The following PTPN9 variants were observed in gnomAD, a reference collection of about 807,000 sequenced individuals.
PTPN9 encodes protein tyrosine phosphatase non-receptor type 9.
In PTPN9, 26 loss-of-function variants were observed where a neutral mutation model predicts 69.8. The ratio of observed to expected loss-of-function variants is 0.37; its 90% CI spans 0.27 to 0.52. The LOEUF (loss-of-function observed/expected upper bound fraction) is 0.52, where lower values mean the gene tolerates loss of function less well. Ranked by LOEUF, PTPN9 falls within the 20% of genes least tolerant of loss-of-function variation. The pLI, the probability that PTPN9 is intolerant of heterozygous loss-of-function variation, is 0.91. For missense variants in PTPN9, 549 were observed against 740.3 expected (o/e 0.74, Z 3.00); for synonymous variants, 274 against 272.5 (o/e 1.01, Z -0.05).
intron 1 of PTPN9, among the ~76,000 whole-genome samples, chr15:75,546,652 A>G (rs368872617): frequency 1.3e-5 from 2 of 152,026 alleles, no homozygotes; most frequent in South Asian, 2.1e-4. Context: ...CAAAAAAAAA[A>G]AAGAAATAGA....
chr15:75,566,790 C>A (rs891154627), intron 1 of PTPN9, among the ~76,000 whole-genome samples: 35 of 152,074 alleles, frequency 2.3e-4, no homozygotes, highest in Non-Finnish European at 4.7e-4. Context: ...GAATTTCAGA[C>A]CAGCCTGGGC....
chr15:75,562,647 C>T (rs1023531171), intron 1 of PTPN9, among the ~76,000 whole-genome samples: 5 of 152,010 alleles, frequency 3.3e-5, no homozygotes, highest in South Asian at 4.2e-4. Context: ...CTGGCTAACA[C>T]GGTGAAACCC....
At chr15:75,567,762 C>T (rs192216698) in intron 1 of PTPN9, among the ~76,000 whole-genome samples, 17 of 152,102 alleles carry the variant, frequency 1.1e-4, no homozygotes, top group African/African-American at 4.1e-4. Context: ...TTTGGGAGGC[C>T]GAGGTGGGTG....
intron 1 of PTPN9, among the ~76,000 whole-genome samples, chr15:75,563,498 T>A (rs2075113613): frequency 6.6e-6 from 1 of 152,156 alleles, no homozygotes; most frequent in Non-Finnish European, 1.5e-5. Context: ...GGTATTTGGT[T>A]TTCTGTTCTT....
intron 7 of PTPN9, among the ~76,000 whole-genome samples, chr15:75,503,727 G>A (rs1415775794): frequency 7.9e-6 from 1 of 126,686 alleles, no homozygotes; most frequent in Non-Finnish European, 1.7e-5. Context: ...AGGTGGGGGA[G>A]TCAGCCCCCA....
intron 4 of PTPN9, among the ~76,000 whole-genome samples, chr15:75,520,780 GC>G (rs950144644): frequency 2.6e-5 from 4 of 152,002 alleles, no homozygotes; most frequent in African/African-American, 9.7e-5. Flanking sequence ...CTCCCAAAGT[GC>G]TGGGACTACA....
At chr15:75,470,549 T>A in intron 11 of PTPN9, 131 bp downstream of exon 11, 1 of 1,121,354 alleles carries the variant, frequency 8.9e-7, no homozygotes, top group Non-Finnish European at 1.3e-6. Context: ...AATATCCTCA[T>A]CCTGTCCCTA....
intron 4 of PTPN9, among the ~76,000 whole-genome samples, chr15:75,521,280 C>A (rs1450269800): frequency 9.6e-5 from 12 of 124,986 alleles, no homozygotes; most frequent in African/African-American, 3.4e-4. Context: ...CCCATCTCTA[C>A]TAAAAATACA....
chr15:75,480,605 G>T, intron 8 of PTPN9: 6 of 1,115,904 alleles, frequency 5.4e-6, no homozygotes, highest in Middle Eastern at 3.8e-4. Flanking sequence ...GCGGCCTGGG[G>T]CAGTGCGGAG....
chr15:75,569,683 C>CAA (rs747748643), intron 1 of PTPN9, among the ~76,000 whole-genome samples: 14 of 54,938 alleles, frequency 2.5e-4, no homozygotes, highest in African/African-American at 3.5e-4. Context: ...AACTCCATCT[C>CAA]AAAAAAAAAA....
rs570941350 is a variant in PTPN9, at chr15:75,510,537, G to A, written c.529-1510C>T. ...TAGGCATTGAGCCACTGCTCCTGGCGTGAAGTTCTTAATTTTCAAATGGTT... is the reference window on the plus strand; with the variant it reads ...TAGGCATTGAGCCACTGCTCCTGGCATGAAGTTCTTAATTTTCAAATGGTT... On this transcript the variant is annotated intron_variant, in intron 5 of 12. Coordinates refer to ENST00000618819, the MANE Select transcript of PTPN9 (RefSeq NM_002833.4). Among the ~76,000 whole-genome samples, 20 of 152,156 alleles carry A rather than the reference G, an allele frequency of 1.3e-4. No homozygotes were observed. The East Asian group carries it at 2.3e-3, about 18-fold the overall frequency.
At chr15:75,535,449 C>G (rs934188788) in intron 1 of PTPN9, among the ~76,000 whole-genome samples, 3 of 152,140 alleles carry the variant, frequency 2.0e-5, no homozygotes, top group African/African-American at 7.2e-5. Flanking sequence ...ATTAACAATG[C>G]CATCCTAGGC....
chr15:75,567,118 T>G (rs995691604), intron 1 of PTPN9, among the ~76,000 whole-genome samples: 8 of 151,438 alleles, frequency 5.3e-5, no homozygotes, highest in African/African-American at 1.9e-4. Flanking sequence ...CATGTTCAAG[T>G]GATTCTCCTG....
Position 75,578,832 on chromosome 15 carries a change from C to G in PTPN9, c.-56G>C. ...CTCGCTCGCGAGCGCGGGAGCCCGG[C>G]GCGCTCGGCCTCCGCTTCCGCGTCC... is the stretch of plus-strand genomic sequence containing the variant. On this transcript the variant is annotated 5_prime_UTR_variant, in exon 1 of 13. Transcript: ENST00000618819. The G allele has an allele frequency of 1.8e-6, 2 of 1,137,354 alleles. No homozygotes were observed. The highest frequency in any genetic ancestry group is 3.7e-5 in the East Asian group (1 of 27,310). The allele number at this position is 1,137,354 out of a possible 1,614,324, so 70.5% of individuals were successfully genotyped here. A position where few individuals can be genotyped will look rare whatever the true frequency, so the allele number is the denominator to read the frequency against.
chr15:75,504,482 A>G (rs9744367), intron 7 of PTPN9, among the ~76,000 whole-genome samples: 64,354 of 102,608 alleles, frequency 0.63, 19,441 homozygotes, highest in African/African-American at 0.8. Context: ...AGGGAGGTGG[A>G]GGGGTCAGCC....
intron 12 of PTPN9, among the ~76,000 whole-genome samples, chr15:75,469,347 T>G (rs2074552060): frequency 6.6e-6 from 1 of 152,200 alleles, no homozygotes; most frequent in Non-Finnish European, 1.5e-5. Context: ...TTCTCAACTT[T>G]CTCCCAAAGG....
At chr15:75,485,667 G>A (rs904278411) in intron 8 of PTPN9, among the ~76,000 whole-genome samples, 7 of 150,980 alleles carry the variant, frequency 4.6e-5, no homozygotes, top group Admixed American at 6.6e-5. Context: ...ACCGCGCCCG[G>A]CCGAATTGTC....
Position 75,552,808 on chromosome 15 carries a change from T to C in PTPN9, c.64-25547A>G, listed in dbSNP as rs1392931674. ...AAGAGAGTCACCGGCAAACTAGATA[T>C]GGTCCCATAAAAGATTTAGATAAGG... On this transcript the variant is annotated intron_variant, in intron 1 of 12. Coordinates refer to ENST00000618819, the MANE Select transcript of PTPN9 (RefSeq NM_002833.4). 2.0e-5 allele frequency among the ~76,000 whole-genome samples: 3 copies of C among 148,030 alleles called. No homozygotes were observed. The East Asian group carries it at 5.9e-4, about 29-fold the overall frequency.
chr15:75,481,146 G>A (rs1340578327), intron 8 of PTPN9, among the ~76,000 whole-genome samples: 1 of 70,036 alleles, frequency 1.4e-5, no homozygotes, highest in East Asian at 4.0e-4. Context: ...TGTGAGGAGC[G>A]CCTCTGCCCG....
Sources: allele counts gnomAD v4.1 joint callset (sites outside exome capture counted in the v4.1 genomes callset), GRCh38; gene constraint gnomAD v4.1.1; transcripts MANE v1.5; gene names NCBI Gene and HGNC (gene_info 2026-07-23, HGNC 2026-07-21).